Variants in STXBP5L observed in about 807,000 individuals in gnomAD.
STXBP5L encodes the protein syntaxin binding protein 5L.
Under a neutral mutation model 144.5 loss-of-function variants are expected in STXBP5L, and 65 were observed. The observed-to-expected ratio is 0.45, with a 90% CI of 0.37 to 0.55. The LOEUF is 0.55. Ranked by LOEUF, STXBP5L falls within the 20% of genes least tolerant of loss-of-function variation. The pLI, the probability that STXBP5L is intolerant of heterozygous loss-of-function variation, is 0.00. For missense variants in STXBP5L, 1,298 were observed against 1,405.5 expected (o/e 0.92, Z 1.22); for synonymous variants, 505 against 469.6 (o/e 1.08, Z -0.97).
chr3:120,988,815 C>T (rs914750616), intron 3 of STXBP5L, among the ~76,000 whole-genome samples: 2 of 152,018 alleles, frequency 1.3e-5, no homozygotes, highest in African/African-American at 4.8e-5. Context: ...CTCCCTGTTC[C>T]CACTCTTCCA....
rs957042348 is a variant in STXBP5L at position 120,996,150 on chromosome 3, T to C, written c.287+41113T>C. Reference sequence around the variant, plus strand: ...TTCATTTTTATTTGTAATACAGTATTTTTTTCTGGCTGCTTTCCATATTTT... The same window carrying C: ...TTCATTTTTATTTGTAATACAGTATCTTTTTCTGGCTGCTTTCCATATTTT... On this transcript the variant is annotated intron_variant, in intron 3 of 26. Coordinates refer to ENST00000471454, the MANE Select transcript of STXBP5L (RefSeq NM_001308330.2). 2.0e-5 allele frequency among the ~76,000 whole-genome samples: 3 copies of C among 152,082 alleles called. No individual in the cohort carries two copies. The East Asian group carries it at 5.8e-4, about 29-fold the overall frequency.
At chr3:121,025,694 C>G (rs1009180931) in intron 3 of STXBP5L, among the ~76,000 whole-genome samples, 1 of 151,642 alleles carries the variant, frequency 6.6e-6, no homozygotes, top group Admixed American at 6.6e-5. Flanking sequence ...ACTGTTGACT[C>G]AGATATATTT....
chr3:121,284,851 C>G (rs998706231), intron 19 of STXBP5L, among the ~76,000 whole-genome samples: 1 of 152,096 alleles, frequency 6.6e-6, no homozygotes, highest in Non-Finnish European at 1.5e-5. Context: ...AGGGCTCAGA[C>G]AAGCTCTAGG....
intron 19 of STXBP5L, among the ~76,000 whole-genome samples, chr3:121,304,910 G>A (rs533904219): frequency 8.6e-5 from 13 of 151,550 alleles, no homozygotes; most frequent in Admixed American, 3.3e-4. Flanking sequence ...CCCCAAAACA[G>A]TTCTTCAAAA....
intron 15 of STXBP5L, among the ~76,000 whole-genome samples, chr3:121,252,206 T>C (rs1177304358): frequency 1.3e-5 from 2 of 151,696 alleles, no homozygotes; most frequent in Middle Eastern, 6.8e-3. Flanking sequence ...CTAAAAAATA[T>C]ATAATATAAA....
chr3:121,053,171 G>A (rs1005880401), intron 5 of STXBP5L, among the ~76,000 whole-genome samples: 1 of 152,138 alleles, frequency 6.6e-6, no homozygotes, highest in African/African-American at 2.4e-5. Flanking sequence ...TATTGCCCAA[G>A]ATAATTTATA....
intron 5 of STXBP5L, among the ~76,000 whole-genome samples, chr3:121,068,405 CTTTT>C (rs1475132016): frequency 6.6e-6 from 1 of 152,064 alleles, no homozygotes; most frequent in Non-Finnish European, 1.5e-5. Flanking sequence ...CTTTATGTTT[CTTTT>C]TTATTTTACT....
At chr3:121,313,538 C>T (rs1483216622) in intron 19 of STXBP5L, among the ~76,000 whole-genome samples, 10 of 48,396 alleles carry the variant, frequency 2.1e-4, no homozygotes, top group Admixed American at 1.0e-3. Context: ...CCCTCACTCC[C>T]GGACGGGGCG....
intron 9 of STXBP5L, among the ~76,000 whole-genome samples, chr3:121,195,204 G>A (rs895819710): frequency 1.3e-5 from 2 of 151,986 alleles, no homozygotes; most frequent in African/African-American, 2.4e-5. Flanking sequence ...GATTACAGGT[G>A]TGAGCCACCG....
Position 121,377,816 on chromosome 3 carries a change from TG to T in STXBP5L, c.2177-896del, listed in dbSNP as rs531063700. On this transcript the variant is annotated intron_variant, in intron 20 of 26. Transcript: ENST00000471454. ...ACCATTTGACCCAGCAATCCCATTATGGGGTATATACCCAAAGGATTATAAA... is the reference window on the plus strand; with the variant it reads ...ACCATTTGACCCAGCAATCCCATTATGGGTATATACCCAAAGGATTATAAA... Among the ~76,000 whole-genome samples, 472 of 152,280 alleles carry T rather than the reference TG, an allele frequency of 3.1e-3. 3 individuals carry two copies. Among genetic ancestry groups the T allele is most frequent in the African/African-American group, 0.011 (443 of 41,562 alleles).
At chr3:121,057,770 A>T (rs1438946059) in intron 5 of STXBP5L, among the ~76,000 whole-genome samples, 1 of 151,906 alleles carries the variant, frequency 6.6e-6, no homozygotes, top group Non-Finnish European at 1.5e-5. Context: ...ATTTTTTATA[A>T]CATTTCTTTA....
intron 20 of STXBP5L, among the ~76,000 whole-genome samples, chr3:121,338,745 A>AT (rs2044602454): frequency 6.6e-6 from 1 of 152,056 alleles, no homozygotes; most frequent in Non-Finnish European, 1.5e-5. Context: ...AATACAAAAG[A>AT]TTATTTAAGA....
chr3:121,199,831 G>A (rs1559856294), intron 9 of STXBP5L, among the ~76,000 whole-genome samples: 1 of 152,244 alleles, frequency 6.6e-6, no homozygotes, highest in East Asian at 1.9e-4. Context: ...CAGGGGTGAA[G>A]TCGACTTGAT....
intron 19 of STXBP5L, among the ~76,000 whole-genome samples, chr3:121,311,862 C>A (rs2043540920): frequency 6.6e-6 from 1 of 152,056 alleles, no homozygotes; most frequent in Non-Finnish European, 1.5e-5. Context: ...CATATGGAAC[C>A]AAAAAAGAGC....
rs996980749 is a variant in STXBP5L, at chr3:121,391,261, C to G, written c.2587+9729C>G. 2.6e-5 allele frequency among the ~76,000 whole-genome samples: 4 copies of G among 152,264 alleles called. No homozygotes were observed. The South Asian group carries it at 6.2e-4, about 24-fold the overall frequency. On this transcript the variant is annotated intron_variant, in intron 22 of 26. Coordinates refer to ENST00000471454, the MANE Select transcript of STXBP5L (RefSeq NM_001308330.2). ...CAGGTCATTTAAGGTCTTCTCTACA[C>G]TGTTTATTCTAGTTAGCCATTTGTC...
chr3:120,975,578 A>G (rs944569743), intron 3 of STXBP5L, among the ~76,000 whole-genome samples: 7 of 152,078 alleles, frequency 4.6e-5, no homozygotes, highest in African/African-American at 9.7e-5. Flanking sequence ...TTCCAACGCT[A>G]TGTTGAATAG....
intron 3 of STXBP5L, among the ~76,000 whole-genome samples, chr3:121,001,218 A>G (rs1222882979): frequency 6.6e-6 from 1 of 152,238 alleles, no homozygotes; most frequent in African/African-American, 2.4e-5. Flanking sequence ...GGCAAGGCCC[A>G]TGTGAAAAAA....
chr3:121,243,639 A>G (rs1054309502), intron 14 of STXBP5L, among the ~76,000 whole-genome samples: 2 of 152,046 alleles, frequency 1.3e-5, no homozygotes, highest in Admixed American at 1.3e-4. Context: ...ATTTATGCCA[A>G]GATAACTTTG....
chr3:121,162,415 C>G (rs77594201), intron 9 of STXBP5L, among the ~76,000 whole-genome samples: 2,266 of 152,130 alleles, frequency 0.015, 62 homozygotes, highest in African/African-American at 0.052. Context: ...ATATAAAAAT[C>G]AACTCAAGGT....
Sources: gnomAD v4.1 joint callset for allele counts (sites outside exome capture counted in the v4.1 genomes callset) on GRCh38, gnomAD v4.1.1 for gene constraint, MANE v1.5 for transcripts, NCBI Gene and HGNC (gene_info 2026-07-23, HGNC 2026-07-21) for gene names.